The following MEI1 variants were observed in gnomAD, a reference collection of about 807,000 sequenced individuals.
MEI1 encodes meiotic double-stranded break formation protein 1.
MEI1 carries 103 observed loss-of-function variants against 146.2 expected under a neutral mutation model. That is an observed-to-expected ratio of 0.70 (90% CI 0.60 to 0.83). The LOEUF (loss-of-function observed/expected upper bound fraction) is 0.83, where lower values mean the gene tolerates loss of function less well. Among genes scored for constraint, MEI1 ranks in the 40% least tolerant of loss-of-function variants. The probability of loss-of-function intolerance (pLI) is 0.00; values close to 1 mark genes in which losing one functional copy is unlikely to be tolerated. For synonymous variants in MEI1, 652 were observed against 628.2 expected, an observed-to-expected ratio of 1.04 and a Z score of -0.57; for missense variants, 1,529 against 1,533.0, an observed-to-expected ratio of 1.00 and a Z score of 0.04.
At chr22:41,743,267 C>T (rs1255207683) in intron 12 of MEI1, 73 bp downstream of exon 12, 1 of 1,068,258 alleles carries the variant, frequency 9.4e-7, no homozygotes, top group Non-Finnish European at 1.4e-6. Context: ...TTAGTATATT[C>T]CCTTACTTTT....
intron 11 of MEI1, among the ~76,000 whole-genome samples, chr22:41,741,713 C>T (rs1028518936): frequency 3.3e-5 from 5 of 152,182 alleles, no homozygotes; most frequent in Non-Finnish European, 7.3e-5. Context: ...TGGTGGCTCA[C>T]GCTTGTAATT....
At chr22:41,753,776 G>A in intron 16 of MEI1, 173 bp from the exon 17 acceptor site, 1 of 568,822 alleles carries the variant, frequency 1.8e-6, no homozygotes, top group South Asian at 2.0e-5. Flanking sequence ...ACTGTGCCCA[G>A]CCCCATATTT....
rs754763781 is a variant in MEI1, at chr22:41,794,478, G to T, written c.3534+1G>T. 3 of 1,611,582 alleles carry T rather than the reference G, an allele frequency of 1.9e-6. No individual in the cohort carries two copies. Among genetic ancestry groups the T allele is most frequent in the African/African-American group, 2.7e-5 (2 of 74,870 alleles). ...TGAGATTTTGAGGCTCATGACCCTG[G>T]TAAGTGCAGAAAGGATATCTTGTGG... On this transcript the variant is annotated splice_donor_variant, in intron 28 of 30. Coordinates refer to ENST00000401548, the MANE Select transcript of MEI1 (RefSeq NM_152513.4). LOFTEE classifies it high-confidence loss of function.
chr22:41,760,418 A>C (rs2074407000), intron 18 of MEI1, among the ~76,000 whole-genome samples: 1 of 152,200 alleles, frequency 6.6e-6, no homozygotes, highest in South Asian at 2.1e-4. Context: ...CTTAGACAGG[A>C]GAATTGCTTG....
Position 41,770,796 on chromosome 22 carries a change from G to A in MEI1, c.2379G>A (p.Met793Ile), listed in dbSNP as rs374533098. 5.4e-5 allele frequency: 87 copies of A among 1,613,852 alleles called. No individual in the cohort carries two copies. Among genetic ancestry groups the A allele is most frequent in the Admixed American group, 6.7e-5 (4 of 59,988 alleles). ...LRFFLLYPEL[M>I]SRYGHRVLEL... ...TCTTTCTGTTGTATCCAGAGCTCAT[G>A]AGTAGGTATGGGCACCGTGTCCTGG... The change falls in exon 20 of 31, where the codon ATG becomes ATA. Residue 793 changes from methionine (M) to isoleucine (I), a missense_variant. By Grantham distance (10) the Met-to-Ile change is conservative (BLOSUM62 1). This residue lies in a region of MEI1 where 1,212 missense variants were observed against 1,178.9 expected (regional missense o/e 1.03). Coordinates refer to ENST00000401548, the MANE Select transcript of MEI1 (RefSeq NM_152513.4).
intron 21 of MEI1, among the ~76,000 whole-genome samples, chr22:41,777,194 C>T (rs1046386928): frequency 2.7e-5 from 4 of 147,090 alleles, no homozygotes; most frequent in Non-Finnish European, 1.5e-5. Flanking sequence ...CTCACTCTGT[C>T]GTTCAGGCTG....
At position 41,770,852 on chromosome 22, in the gene MEI1, A is replaced by G. The variant is rs747448349; in HGVS notation, c.2435A>G (p.Tyr812Cys). ...TGGTTCTTCTGGGAAGAGAGCAGCT[A>G]TGAGGAACTGGATGATGTCACCTCT... ...ELWFFWEESS[Y>C]EELDDVTSAG... is the part of the protein sequence containing the mutation. The change falls in exon 20 of 31, where the codon TAT (tyrosine) becomes TGT (cysteine). Residue 812 changes from tyrosine (Y) to cysteine (C), a missense_variant. Tyr to Cys is a radical substitution (Grantham distance 194). Coordinates refer to ENST00000401548, the MANE Select transcript of MEI1 (RefSeq NM_152513.4). 2.3e-5 allele frequency: 37 copies of G among 1,613,962 alleles called. 1 individual carries two copies. In the South Asian group the frequency reaches 2.4e-4, roughly 11 times the overall value.
chr22:41,730,714 G>A, intron 9 of MEI1, 77 bp downstream of exon 9: 1 of 902,284 alleles, frequency 1.1e-6, no homozygotes, highest in Non-Finnish European at 1.9e-6. Flanking sequence ...CGCAGTGATG[G>A]GGGGCTAGCC....
chr22:41,767,473 A>T (rs4461355), intron 19 of MEI1: 1 of 434,814 alleles, frequency 2.3e-6, no homozygotes, highest in Non-Finnish European at 4.7e-6. Flanking sequence ...GTGTTAAGGT[A>T]TGTGTCTGAG....
intron 30 of MEI1, among the ~76,000 whole-genome samples, chr22:41,798,249 T>C (rs2076440256): frequency 7.0e-6 from 1 of 143,396 alleles, no homozygotes; most frequent in South Asian, 2.3e-4. Flanking sequence ...ACACACACAA[T>C]GTGTGTGTGT....
chr22:41,765,959 C>T (rs1344174638), intron 19 of MEI1, among the ~76,000 whole-genome samples: 4 of 141,548 alleles, frequency 2.8e-5, no homozygotes, highest in Admixed American at 7.5e-5. Flanking sequence ...GGCGTGATCT[C>T]GGCTCACTGC....
At chr22:41,747,533 G>A (rs1883368) in intron 14 of MEI1, 96,990 of 151,760 alleles carry the variant, frequency 0.64, 34,137 homozygotes, top group East Asian at 0.92. Flanking sequence ...GCGAAACCCC[G>A]TCTCTACTAA....
chr22:41,725,621 C>T (rs985611485), intron 7 of MEI1, among the ~76,000 whole-genome samples: 1 of 152,216 alleles, frequency 6.6e-6, no homozygotes, highest in Non-Finnish European at 1.5e-5. Context: ...TGCAGTCTTT[C>T]CCTGGTCCTG....
intron 11 of MEI1, among the ~76,000 whole-genome samples, chr22:41,735,811 C>G (rs1179033296): frequency 6.6e-6 from 1 of 152,146 alleles, no homozygotes; most frequent in South Asian, 2.1e-4. Context: ...AGCCTCTAGC[C>G]CTGGTTCTCT....
intron 5 of MEI1, among the ~76,000 whole-genome samples, chr22:41,716,686 CTTTTTTTTT>C (rs55994680): frequency 6.5e-5 from 7 of 108,128 alleles, no homozygotes; most frequent in South Asian, 3.2e-4. Context: ...TCCATTCATT[CTTTTTTTTT>C]TTTTTTTTTC....
At chr22:41,767,039 C>T (rs1483007201) in intron 19 of MEI1, among the ~76,000 whole-genome samples, 1 of 152,150 alleles carries the variant, frequency 6.6e-6, no homozygotes, top group Non-Finnish European at 1.5e-5. Context: ...GGAGCACCCT[C>T]CATGGTCACT....
At chr22:41,734,286 G>A (rs933110475) in intron 11 of MEI1, among the ~76,000 whole-genome samples, 5 of 151,648 alleles carry the variant, frequency 3.3e-5, no homozygotes, top group Admixed American at 1.3e-4. Context: ...ACTGAGGGAC[G>A]ACTATGCAAT....
Position 41,699,559 on chromosome 22 carries a change from G to A in MEI1, c.21G>A (p.Ala7=). Residue 7 remains alanine, a synonymous_variant, in exon 1 of 31, where the codon GCG becomes GCA. Transcript: ENST00000401548. MAVRQA[A]TAGTPGPRRE... Reference sequence around the variant, plus strand: ...AGGAGATGGCTGTGAGGCAGGCGGCGACGGCGGGCACTCCCGGGCCCAGGA... The same window carrying A: ...AGGAGATGGCTGTGAGGCAGGCGGCAACGGCGGGCACTCCCGGGCCCAGGA... The A allele has an allele frequency of 6.2e-7, 1 of 1,612,006 alleles. No individual in the cohort carries two copies.
chr22:41,762,738 T>G (rs2074582236), intron 18 of MEI1, among the ~76,000 whole-genome samples: 1 of 152,144 alleles, frequency 6.6e-6, no homozygotes, highest in African/African-American at 2.4e-5. Flanking sequence ...TTAATTTTGA[T>G]GACCTCTAAT....
Sources: gnomAD v4.1 joint callset for allele counts (sites outside exome capture counted in the v4.1 genomes callset) on GRCh38, gnomAD v4.1.1 for gene constraint, gnomAD v4.1.1 regional missense constraint, MANE v1.5 for transcripts, NCBI Gene and HGNC (gene_info 2026-07-23, HGNC 2026-07-21) for gene names.